The following OR6C1 variants were observed in gnomAD, a reference collection of about 807,000 sequenced individuals.
The protein encoded by OR6C1 is olfactory receptor 6C1.
For missense variants in OR6C1, 386 were observed against 366.1 expected (o/e 1.05, Z -0.44); for synonymous variants, 157 against 133.3 (o/e 1.18, Z -1.22).
chr12:55,317,363 A>G lies in OR6C1; in HGVS notation c.-34+2764A>G, dbSNP rs575000174. On this transcript the variant is annotated intron_variant, in intron 1 of 1. Coordinates refer to ENST00000642104, the MANE Select transcript of OR6C1 (RefSeq NM_001005182.2). Reference sequence around the variant, plus strand: ...CCCAGTAATTCAGAAATAATGTTTCATGAAGTTTTCTTTAAACTTATGTAT... The same window carrying G: ...CCCAGTAATTCAGAAATAATGTTTCGTGAAGTTTTCTTTAAACTTATGTAT... Among the ~76,000 whole-genome samples, 3 of 152,214 alleles carry G rather than the reference A, an allele frequency of 2.0e-5. No homozygotes were observed. In the South Asian group the frequency reaches 6.2e-4, roughly 32 times the overall value.
rs551754683 is a variant in OR6C1 at position 55,318,717 on chromosome 12, TAA to T, written c.-33-1849_-33-1848del. Among the ~76,000 whole-genome samples the T allele has an allele frequency of 8.4e-3, 1,267 of 150,138 alleles. 18 individuals carry two copies. The highest frequency in any genetic ancestry group is 0.028 in the African/African-American group (1,173 of 41,276). On this transcript the variant is annotated intron_variant, in intron 1 of 1. Coordinates refer to ENST00000642104, the MANE Select transcript of OR6C1 (RefSeq NM_001005182.2). ...AAGTTATAAGTAAGCTAATATATAT[TAA>T]GTTATATGAAAGTTATTAAGTTAAA...
chr12:55,316,106 C>T (rs1032292209), intron 1 of OR6C1, among the ~76,000 whole-genome samples: 143 of 137,042 alleles, frequency 1.0e-3, no homozygotes, highest in African/African-American at 4.6e-3. Context: ...TACACACACA[C>T]ACACACACAC....
intron 1 of OR6C1, among the ~76,000 whole-genome samples, chr12:55,314,931 C>T (rs1223582480): frequency 1.3e-5 from 2 of 151,486 alleles, no homozygotes; most frequent in Non-Finnish European, 3.0e-5. Flanking sequence ...AGCCTCAGCT[C>T]TTCTTTTCAG....
chr12:55,314,852 G>C (rs1868384846), intron 1 of OR6C1, among the ~76,000 whole-genome samples: 1 of 151,578 alleles, frequency 6.6e-6, no homozygotes, highest in African/African-American at 2.4e-5. Context: ...CTTAAGAGAA[G>C]AGGCTAAGTC....
At chr12:55,314,805 CTG>C (rs149908657) in intron 1 of OR6C1, among the ~76,000 whole-genome samples, 3,832 of 151,698 alleles carry the variant, frequency 0.025, 168 homozygotes, top group African/African-American at 0.087. Context: ...ATCTCTGTCT[CTG>C]TGTTTTTAAT....
chr12:55,318,748 A>G (rs1315157373), intron 1 of OR6C1, among the ~76,000 whole-genome samples: 3 of 150,916 alleles, frequency 2.0e-5, no homozygotes, highest in African/African-American at 4.8e-5. Flanking sequence ...AGTTAAATAT[A>G]TTAACTTAAT....
intron 1 of OR6C1, among the ~76,000 whole-genome samples, chr12:55,318,104 C>T (rs1868443803): frequency 6.6e-6 from 1 of 151,486 alleles, no homozygotes; most frequent in South Asian, 2.1e-4. Context: ...CTGTAAGCTT[C>T]AACCACTTTT....
rs1474193055 is a variant in OR6C1, at chr12:55,318,782, CTT to C, written c.-33-1784_-33-1783del. 2.6e-5 allele frequency among the ~76,000 whole-genome samples: 4 copies of C among 151,184 alleles called. No individual in the cohort carries two copies. The East Asian group carries it at 7.7e-4, about 29-fold the overall frequency. ...ATGCTCACAAAAACTATGAGACAGA[CTT>C]GTATACAGTGGAAGAAACTATAGGT... On this transcript the variant is annotated intron_variant, in intron 1 of 1. Transcript: ENST00000642104.
chr12:55,317,082 AT>A (rs1390398046), intron 1 of OR6C1, among the ~76,000 whole-genome samples: 1 of 152,006 alleles, frequency 6.6e-6, no homozygotes, highest in Non-Finnish European at 1.5e-5. Flanking sequence ...TTGATACATT[AT>A]TCACTATAGA....
At chr12:55,317,977 A>G (rs11171408) in intron 1 of OR6C1, among the ~76,000 whole-genome samples, 1 of 148,980 alleles carries the variant, frequency 6.7e-6, no homozygotes, top group African/African-American at 2.5e-5. Flanking sequence ...ACATATATAC[A>G]CATATATATA....
chr12:55,321,198 G>C lies in OR6C1; in HGVS notation c.599G>C (p.Cys200Ser), dbSNP rs140625067. The change falls in exon 2 of 2, where the codon TGT becomes TCT. Residue 200 changes from cysteine to serine, a missense_variant. Transcript: ENST00000642104. ...TKFLEVMGFS[C>S]AAFTLMFTLA... Reference sequence around the variant, plus strand: ...TTCTTAGAGGTGATGGGATTTTCTTGTGCTGCGTTTACTCTAATGTTCACT... The same window carrying C: ...TTCTTAGAGGTGATGGGATTTTCTTCTGCTGCGTTTACTCTAATGTTCACT... 249 of 1,613,936 alleles carry C rather than the reference G, an allele frequency of 1.5e-4. 3 individuals carry two copies. The East Asian group carries it at 5.5e-3, about 36-fold the overall frequency.
Position 55,321,930 on chromosome 12 carries a change from C to G in OR6C1, c.*392C>G, listed in dbSNP as rs1483454964. ...TTTATTCTTATAGAAATTCCCTTCA[C>G]TATGCTACTGATGTTCTAGGAAATA... On this transcript the variant is annotated 3_prime_UTR_variant, in exon 2 of 2. Coordinates refer to ENST00000642104, the MANE Select transcript of OR6C1 (RefSeq NM_001005182.2). The G allele has an allele frequency of 6.5e-6, 1 of 152,840 alleles. No individual in the cohort carries two copies. The highest frequency in any genetic ancestry group is 1.5e-5 in the Non-Finnish European group (1 of 68,676). The allele number at this position is 152,840 out of a possible 1,614,324, so 9.5% of individuals were successfully genotyped here. A position where few individuals can be genotyped will look rare whatever the true frequency, so the allele number is the denominator to read the frequency against.
chr12:55,320,620 A>G lies in OR6C1; in HGVS notation c.21A>G (p.Ile7Met). The G allele has an allele frequency of 1.3e-6, 2 of 1,582,354 alleles. No individual in the cohort carries two copies. Among genetic ancestry groups the G allele is most frequent in the Non-Finnish European group, 1.7e-6 (2 of 1,161,952 alleles). ...GAAGAATGAGAAACCATACAGAAAT[A>G]ACAGAGTTTATTCTTCTGGGATTAA... MRNHTE[I>M]TEFILLGLTD... The change falls in exon 2 of 2, where the codon ATA becomes ATG. Residue 7 changes from isoleucine (I) to methionine (M), a missense_variant. Coordinates refer to ENST00000642104, the MANE Select transcript of OR6C1 (RefSeq NM_001005182.2).
chr12:55,316,134 C>A (rs1290685358), intron 1 of OR6C1, among the ~76,000 whole-genome samples: 1 of 146,240 alleles, frequency 6.8e-6, no homozygotes, highest in Non-Finnish European at 1.5e-5. Context: ...CACACACCCC[C>A]CGAGAGAATA....
At position 55,321,511 on chromosome 12, in the gene OR6C1, G is replaced by C; in HGVS notation, c.912G>C (p.Arg304Ser). ...AGCAAGCTTTCATTAACATGGCAAG[G>C]AAGACTGTATTTTTCACAAGCACAT... ...QVKQAFINMA[R>S]KTVFFTST The change falls in exon 2 of 2, where the codon AGG becomes AGC. Residue 304 changes from arginine (R) to serine (S), a missense_variant. Coordinates refer to ENST00000642104, the MANE Select transcript of OR6C1 (RefSeq NM_001005182.2). The C allele has an allele frequency of 6.2e-7, 1 of 1,612,324 alleles. No individual in the cohort carries two copies. Among genetic ancestry groups the C allele is most frequent in the South Asian group, 1.1e-5 (1 of 90,856 alleles).
chr12:55,319,846 T>G (rs1233000680), intron 1 of OR6C1, among the ~76,000 whole-genome samples: 2 of 152,194 alleles, frequency 1.3e-5, no homozygotes, highest in South Asian at 2.1e-4. Flanking sequence ...AAGCACTCAC[T>G]TTTTAAAAAC....
At chr12:55,320,314 GGAAAGTCTGGTTTCA>G (rs1868507506) in intron 1 of OR6C1, among the ~76,000 whole-genome samples, 1 of 152,168 alleles carries the variant, frequency 6.6e-6, no homozygotes, top group African/African-American at 2.4e-5. Context: ...TGTGGAGTCA[GGAAAGTCTGGTTTCA>G]AATTCCTGCC....
At position 55,321,181 on chromosome 12, in the gene OR6C1, G is replaced by A. The variant is rs376392917; in HGVS notation, c.582G>A (p.Glu194=). ...CTTGTTCAGACACAAAATTCTTAGAGGTGATGGGATTTTCTTGTGCTGCGT... is the reference window on the plus strand; with the variant it reads ...CTTGTTCAGACACAAAATTCTTAGAAGTGATGGGATTTTCTTGTGCTGCGT... ...QLACSDTKFL[E]VMGFSCAAFT... The change falls in exon 2 of 2, where the codon GAG becomes GAA. Residue 194 remains glutamate, a synonymous_variant. Transcript: ENST00000642104. The A allele has an allele frequency of 4.6e-5, 75 of 1,613,932 alleles. No individual in the cohort carries two copies. In the African/African-American group the frequency reaches 7.5e-4, roughly 16 times the overall value.
intron 1 of OR6C1, among the ~76,000 whole-genome samples, chr12:55,320,127 T>C (rs1465211050): frequency 1.3e-5 from 2 of 151,662 alleles, no homozygotes; most frequent in African/African-American, 2.4e-5. Flanking sequence ...GGTGACAGAG[T>C]GAGACTCCAC....
Sources: gnomAD v4.1 joint callset for allele counts (sites outside exome capture counted in the v4.1 genomes callset) on GRCh38, gnomAD v4.1.1 for gene constraint, MANE v1.5 for transcripts, NCBI Gene and HGNC (gene_info 2026-07-23, HGNC 2026-07-21) for gene names.